The following PDE6C variants were observed in gnomAD, a reference collection of about 807,000 sequenced individuals.
PDE6C encodes cone cGMP-specific 3',5'-cyclic phosphodiesterase subunit alpha'.
In PDE6C, 75 loss-of-function variants were observed where a neutral mutation model predicts 113.1. The ratio of observed to expected loss-of-function variants is 0.66; its 90% CI spans 0.55 to 0.80. The LOEUF (loss-of-function observed/expected upper bound fraction) is 0.80. Among genes scored for constraint, PDE6C ranks in the 30% least tolerant of loss-of-function variants. The pLI, the probability that PDE6C is intolerant of heterozygous loss-of-function variation, is 0.00. For synonymous variants in PDE6C, 375 were observed against 363.7 expected (o/e 1.03, Z -0.35); for missense variants, 912 against 1,038.6 (o/e 0.88, Z 1.67).
intron 4 of PDE6C, among the ~76,000 whole-genome samples, chr10:93,622,602 C>A (rs1458643916): frequency 6.7e-6 from 1 of 149,336 alleles, no homozygotes; most frequent in East Asian, 2.0e-4. Flanking sequence ...ACATATTCAA[C>A]CTTTCCTCAC....
chr10:93,644,170 T>C lies in PDE6C; in HGVS notation c.1848-1790T>C, dbSNP rs147501712. On this transcript the variant is annotated intron_variant, in intron 14 of 21. Coordinates refer to ENST00000371447, the MANE Select transcript of PDE6C (RefSeq NM_006204.4). ...CTACATAGATGATGCTGTGTCCTTC[T>C]CAATGCATTGTGTCAAGAAGCCCAT... is the stretch of plus-strand genomic sequence containing the variant. 3.6e-3 allele frequency among the ~76,000 whole-genome samples: 552 copies of C among 152,342 alleles called. 1 individual carries two copies. Among genetic ancestry groups the C allele is most frequent in the African/African-American group, 0.012 (480 of 41,580 alleles).
intron 10 of PDE6C, among the ~76,000 whole-genome samples, chr10:93,636,145 C>T (rs1235051893): frequency 6.6e-6 from 1 of 152,156 alleles, no homozygotes; most frequent in Non-Finnish European, 1.5e-5. Context: ...ACAAAGATGA[C>T]AGAAGTGCAA....
At chr10:93,657,052 T>C (rs1589705036) in intron 16 of PDE6C, among the ~76,000 whole-genome samples, 1 of 152,184 alleles carries the variant, frequency 6.6e-6, no homozygotes, top group Admixed American at 6.6e-5. Flanking sequence ...TACTCCACTA[T>C]GAAAAATCCC....
intron 8 of PDE6C, among the ~76,000 whole-genome samples, chr10:93,630,052 G>T (rs1414554184): frequency 1.3e-5 from 2 of 152,088 alleles, no homozygotes; most frequent in African/African-American, 2.4e-5. Context: ...TGCTCTCCTG[G>T]TGGTTTTCTC....
At chr10:93,640,262 G>C (rs748699550) in intron 12 of PDE6C, 46 bp downstream of exon 12, 51 of 1,555,102 alleles carry the variant, frequency 3.3e-5, no homozygotes, top group Non-Finnish European at 4.4e-5. Context: ...CTGTGGCTCT[G>C]CTTCACTGAT....
intron 16 of PDE6C, among the ~76,000 whole-genome samples, chr10:93,658,200 AAAAAGAAAAG>A (rs1239136933): frequency 4.9e-5 from 7 of 141,668 alleles, no homozygotes; most frequent in African/African-American, 1.9e-4. Context: ...AAAGAAAAAG[AAAAAGAAAAG>A]AAAGAAAGAA....
chr10:93,662,655 A>G lies in PDE6C; in HGVS notation c.2367+12A>G. On this transcript the variant is annotated intron_variant, in intron 20 of 21. Transcript: ENST00000371447. ...CTTTTGTATATAAGGTAAGTAAGCAAATTATTTGAATTAAATACATAAACA... is the reference window on the plus strand; with the variant it reads ...CTTTTGTATATAAGGTAAGTAAGCAGATTATTTGAATTAAATACATAAACA... 1 of 1,100,536 alleles carries G rather than the reference A, an allele frequency of 9.1e-7. No homozygotes were observed. Among genetic ancestry groups the G allele is most frequent in the South Asian group, 1.2e-5 (1 of 80,176 alleles). 68.2% of individuals were successfully genotyped at this position (1,100,536 alleles called of 1,614,324 possible).
intron 16 of PDE6C, among the ~76,000 whole-genome samples, chr10:93,658,668 C>CT (rs2058651855): frequency 3.8e-5 from 4 of 104,802 alleles, no homozygotes; most frequent in Admixed American, 1.9e-4. Flanking sequence ...TTTTGTTTTT[C>CT]CCTCTCTCTC....
intron 7 of PDE6C, 23 bp downstream of exon 7, chr10:93,626,894 A>C (rs2058475685): frequency 6.3e-7 from 1 of 1,575,182 alleles, no homozygotes; most frequent in African/African-American, 1.3e-5. Context: ...ACAAATTCAA[A>C]TTTTAAATAA....
At chr10:93,659,804 A>G (rs1209640826) in intron 18 of PDE6C, among the ~76,000 whole-genome samples, 1 of 152,222 alleles carries the variant, frequency 6.6e-6, no homozygotes, top group Non-Finnish European at 1.5e-5. Flanking sequence ...GCCAAACTAT[A>G]TCAATGAGGT....
rs1159214785 is a variant in PDE6C at position 93,641,033 on chromosome 10, A to G, written c.1847+4A>G. ...CCAATAATTTGTACCAGATGAAGTA[A>G]GTGAACACATGTCCAATGTTGACAC... On this transcript the variant is annotated splice_donor_region_variant and intron_variant, in intron 14 of 21. Coordinates refer to ENST00000371447, the MANE Select transcript of PDE6C (RefSeq NM_006204.4). 2 of 1,518,198 alleles carry G rather than the reference A, an allele frequency of 1.3e-6. No individual in the cohort carries two copies. The highest frequency in any genetic ancestry group is 1.4e-5 in the African/African-American group (1 of 73,038). 94.0% of individuals were successfully genotyped at this position (1,518,198 alleles called of 1,614,324 possible). A position where few individuals can be genotyped will look rare whatever the true frequency, so the allele number is the denominator to read the frequency against.
In PDE6C at chr10:93,640,944, A is replaced by G; in HGVS notation, c.1762A>G (p.Thr588Ala). The G allele has an allele frequency of 2.5e-6, 4 of 1,610,564 alleles. No homozygotes were observed. Among genetic ancestry groups the G allele is most frequent in the Non-Finnish European group, 3.4e-6 (4 of 1,176,768 alleles). ...GACAGGAAGATTAAAGAAGTACTAC[A>G]CAGATCTCGAAGCCTTTGCCATGCT... is the stretch of plus-strand genomic sequence containing the variant. The part of the protein sequence containing the change: ...LMTGRLKKYY[T>A]DLEAFAMLAA... The change falls in exon 14 of 22, where the codon ACA becomes GCA. Residue 588 changes from threonine (T) to alanine (A), a missense_variant. Physicochemically the swap from Thr to Ala is moderately conservative, Grantham distance 58. Coordinates refer to ENST00000371447, the MANE Select transcript of PDE6C (RefSeq NM_006204.4).
intron 10 of PDE6C, among the ~76,000 whole-genome samples, chr10:93,636,517 T>TG (rs1318002115): frequency 6.6e-6 from 1 of 151,802 alleles, no homozygotes; most frequent in East Asian, 1.9e-4. Flanking sequence ...TGAGAAGATC[T>TG]GGGGGTAATA....
At chr10:93,635,034 C>A in intron 9 of PDE6C, 127 bp downstream of exon 9, 1 of 959,560 alleles carries the variant, frequency 1.0e-6, no homozygotes, top group South Asian at 1.4e-5. Context: ...ATAGCTGTAA[C>A]CAATATGTTG....
At chr10:93,636,680 A>G (rs1413199050) in intron 10 of PDE6C, among the ~76,000 whole-genome samples, 1 of 152,184 alleles carries the variant, frequency 6.6e-6, no homozygotes, top group East Asian at 1.9e-4. Context: ...TATTTCTTGA[A>G]AAAAGTCTTC....
chr10:93,640,942 A>G lies in PDE6C; in HGVS notation c.1760A>G (p.Tyr587Cys). ...TAGACAGGAAGATTAAAGAAGTACT[A>G]CACAGATCTCGAAGCCTTTGCCATG... is the stretch of plus-strand genomic sequence containing the variant. Reference protein sequence around the residue: ...LLMTGRLKKYYTDLEAFAMLA... With the variant: ...LLMTGRLKKYCTDLEAFAMLA... Residue 587 changes from tyrosine to cysteine, a missense_variant, in exon 14 of 22, where the codon TAC (tyrosine) becomes TGC (cysteine). Tyr to Cys is a radical substitution (Grantham distance 194, BLOSUM62 -2). Transcript: ENST00000371447. 1 of 1,609,576 alleles carries G rather than the reference A, an allele frequency of 6.2e-7. No individual in the cohort carries two copies. The highest frequency in any genetic ancestry group is 1.1e-5 in the South Asian group (1 of 91,000).
rs762930060 is a variant in PDE6C at position 93,659,000 on chromosome 10, G to T, written c.2136G>T (p.Glu712Asp). Residue 712 changes from glutamate (E) to aspartate (D), a missense_variant, in exon 17 of 22, where the codon GAG becomes GAT. Physicochemically the swap from Glu to Asp is conservative, Grantham distance 45. Transcript: ENST00000371447. ...TAACTGTTGATCCAACCAAGAAAGAGATTATCATGTAGGTAGTTGAAATTG... is the reference window on the plus strand; with the variant it reads ...TAACTGTTGATCCAACCAAGAAAGATATTATCATGTAGGTAGTTGAAATTG... ...KYVTVDPTKK[E>D]IIMAMMMTAC... 3 of 1,597,798 alleles carry T rather than the reference G, an allele frequency of 1.9e-6. No homozygotes were observed. Among genetic ancestry groups the T allele is most frequent in the Non-Finnish European group, 1.7e-6 (2 of 1,165,332 alleles).
At chr10:93,633,867 C>G (rs1024242897) in intron 8 of PDE6C, among the ~76,000 whole-genome samples, 1 of 152,148 alleles carries the variant, frequency 6.6e-6, no homozygotes, top group Non-Finnish European at 1.5e-5. Flanking sequence ...ATCACTCAGG[C>G]TTGGGAAAGA....
intron 15 of PDE6C, among the ~76,000 whole-genome samples, chr10:93,655,542 T>C (rs757189072): frequency 1.5e-4 from 19 of 128,962 alleles, no homozygotes; most frequent in Admixed American, 1.2e-3. Flanking sequence ...TAGTTTAAAT[T>C]AAATTATCTT....
Sources: gnomAD v4.1 joint callset for allele counts (sites outside exome capture counted in the v4.1 genomes callset) on GRCh38, gnomAD v4.1.1 for gene constraint, MANE v1.5 for transcripts, NCBI Gene and HGNC (gene_info 2026-07-23, HGNC 2026-07-21) for gene names.